NFATC1: variants seen among roughly 807,000 people sequenced by gnomAD.
NFATC1 encodes the protein nuclear factor of activated T-cells, cytoplasmic 1.
A neutral mutation model predicts 76.0 loss-of-function variants in NFATC1; 22 were observed. The ratio of observed to expected loss-of-function variants is 0.29; its 90% CI spans 0.21 to 0.41. The LOEUF (loss-of-function observed/expected upper bound fraction) is 0.41, where lower values mean the gene tolerates loss of function less well. NFATC1 is among the 10% of genes least tolerant of loss of function. The probability of loss-of-function intolerance (pLI) is 1.00; values close to 1 mark genes in which losing one functional copy is unlikely to be tolerated. For missense variants in NFATC1, 1,357 were observed against 1,337.7 expected (o/e 1.01, Z -0.23); for synonymous variants, 704 against 613.1 (o/e 1.15, Z -2.19).
At chr18:79,400,413 G>C in intron 1 of NFATC1, 5 of 1,495,896 alleles carry the variant, frequency 3.3e-6, no homozygotes, top group Non-Finnish European at 4.5e-6. Flanking sequence ...GGAGGACCAG[G>C]AGTTCGACTT....
chr18:79,453,806 T>C (rs2087574493), intron 6 of NFATC1, among the ~76,000 whole-genome samples: 1 of 152,194 alleles, frequency 6.6e-6, no homozygotes, highest in South Asian at 2.1e-4. Context: ...ATAAGATAAT[T>C]TGCATATTCA....
chr18:79,400,847 G>GCCCTCCCCCTTC (rs2085206097), intron 1 of NFATC1, among the ~76,000 whole-genome samples: 1 of 704 alleles, frequency 1.4e-3, no homozygotes, highest in African/African-American at 2.8e-3. Flanking sequence ...CCCCCCACCC[G>GCCCTCCCCCTTC]CCCCCCGACC....
intron 6 of NFATC1, among the ~76,000 whole-genome samples, chr18:79,452,410 G>A (rs2087514848): frequency 6.6e-6 from 1 of 152,208 alleles, no homozygotes; most frequent in Non-Finnish European, 1.5e-5. Flanking sequence ...AACTTGGAAG[G>A]GCAGCAGGGG....
intron 9 of NFATC1, among the ~76,000 whole-genome samples, chr18:79,505,247 T>G (rs374330834): frequency 3.5e-4 from 2 of 5,786 alleles, no homozygotes; most frequent in Admixed American, 2.2e-3. Context: ...AGGTGGTGGA[T>G]GAGACCCTTG....
intron 9 of NFATC1, chr18:79,497,629 G>C (rs1302685942): frequency 1.3e-5 from 2 of 152,034 alleles, no homozygotes; most frequent in African/African-American, 4.8e-5. Context: ...AAAAACCTTG[G>C]AGATTCCCGG....
At chr18:79,458,323 G>GAC (rs879401627) in intron 6 of NFATC1, among the ~76,000 whole-genome samples, 23,356 of 149,408 alleles carry the variant, frequency 0.16, 2,723 homozygotes, top group African/African-American at 0.35. Context: ...CAGGGCACGA[G>GAC]GATGCTTTGG....
At chr18:79,424,403 G>A (rs2086206765) in intron 2 of NFATC1, among the ~76,000 whole-genome samples, 1 of 152,252 alleles carries the variant, frequency 6.6e-6, no homozygotes, top group Non-Finnish European at 1.5e-5. Flanking sequence ...TCTTGGGGCA[G>A]CTCCAGACAC....
intron 3 of NFATC1, among the ~76,000 whole-genome samples, chr18:79,443,736 C>T (rs930563729): frequency 1.3e-5 from 2 of 152,242 alleles, no homozygotes; most frequent in African/African-American, 4.8e-5. Context: ...ACGATCGATC[C>T]TGGTCCTGTC....
chr18:79,443,539 C>T (rs1262088147), intron 3 of NFATC1, among the ~76,000 whole-genome samples: 1 of 152,174 alleles, frequency 6.6e-6, no homozygotes, highest in South Asian at 2.1e-4. Flanking sequence ...GTTTCCCAGT[C>T]GGCGCCCGTG....
rs2089402648 is a variant in NFATC1 at position 79,483,727 on chromosome 18, A to ACCTTGT, written c.2093-2518_2093-2517insTGTCCT. On this transcript the variant is annotated intron_variant, in intron 8 of 9. Transcript: ENST00000427363. ...GTTCCTGGGGTGTAATTCCAGCGTG[A>ACCTTGT]CCTGGTCCTGGGGTGTCACTCCAGC... is the stretch of plus-strand genomic sequence containing the variant. 8.7e-5 allele frequency among the ~76,000 whole-genome samples: 12 copies of ACCTTGT among 137,926 alleles called. 1 individual carries two copies. Among genetic ancestry groups the ACCTTGT allele is most frequent in the African/African-American group, 3.4e-4 (12 of 34,816 alleles). The allele number at this position is 137,926 out of a possible 152,430, so 90.5% of individuals were successfully genotyped here. A position where few individuals can be genotyped will look rare whatever the true frequency, so the allele number is the denominator to read the frequency against.
intron 8 of NFATC1, among the ~76,000 whole-genome samples, chr18:79,473,643 G>A (rs1161002422): frequency 2.8e-5 from 4 of 145,074 alleles, no homozygotes; most frequent in Admixed American, 6.8e-5. Context: ...CAAGGGAAGC[G>A]TGTTCTCGCG....
chr18:79,480,268 G>A (rs923904183), intron 8 of NFATC1, among the ~76,000 whole-genome samples: 27 of 152,196 alleles, frequency 1.8e-4, no homozygotes, highest in Non-Finnish European at 3.7e-4. Context: ...GGAGCGTGTT[G>A]CCACAGCCTC....
chr18:79,517,851 A>G (rs996777277), intron 9 of NFATC1, among the ~76,000 whole-genome samples: 9 of 152,264 alleles, frequency 5.9e-5, no homozygotes, highest in Admixed American at 5.9e-4. Context: ...TGGTACCTAT[A>G]TGAACAAATA....
At chr18:79,412,047 C>T (rs776727892) in intron 2 of NFATC1, among the ~76,000 whole-genome samples, 1 of 152,248 alleles carries the variant, frequency 6.6e-6, no homozygotes, top group Non-Finnish European at 1.5e-5. Context: ...CAGTCCGCCA[C>T]GCTTTGGAAC....
At chr18:79,400,995 C>T (rs1489393563) in intron 1 of NFATC1, among the ~76,000 whole-genome samples, 1 of 117,696 alleles carries the variant, frequency 8.5e-6, no homozygotes, top group Admixed American at 9.0e-5. Context: ...CAGACCCCCC[C>T]AAGCCTCCAG....
chr18:79,473,535 T>A (rs1420844649), intron 8 of NFATC1, among the ~76,000 whole-genome samples: 7 of 148,540 alleles, frequency 4.7e-5, no homozygotes, highest in Admixed American at 4.6e-4. Context: ...GTTCTCGCGC[T>A]CACTGTCGAC....
intron 7 of NFATC1, among the ~76,000 whole-genome samples, chr18:79,463,239 C>T (rs116379324): frequency 0.014 from 2,064 of 152,340 alleles, 58 homozygotes; most frequent in African/African-American, 0.047. Flanking sequence ...TCAATGCTGT[C>T]GCTTTTCTTG....
At chr18:79,420,501 A>G (rs969170623) in intron 2 of NFATC1, among the ~76,000 whole-genome samples, 2 of 150,838 alleles carry the variant, frequency 1.3e-5, no homozygotes, top group South Asian at 2.1e-4. Context: ...GCAGAGAGGA[A>G]GAGGCAGACG....
chr18:79,455,481 G>A (rs956129674), intron 6 of NFATC1, among the ~76,000 whole-genome samples: 6 of 152,210 alleles, frequency 3.9e-5, no homozygotes, highest in African/African-American at 1.4e-4. Context: ...GGGCTCCCGG[G>A]AAGCAGAGAC....
Sources: allele counts gnomAD v4.1 joint callset (sites outside exome capture counted in the v4.1 genomes callset), GRCh38; gene constraint gnomAD v4.1.1; transcripts MANE v1.5; gene names NCBI Gene and HGNC (gene_info 2026-07-23, HGNC 2026-07-21).